The following KCNQ1 variants were observed in gnomAD, a reference collection of about 807,000 sequenced individuals.
The protein encoded by KCNQ1 is potassium voltage-gated channel subfamily KQT member 1.
A neutral mutation model predicts 72.4 loss-of-function variants in KCNQ1; 49 were observed. That is an observed-to-expected ratio of 0.68 (90% CI 0.54 to 0.86). The LOEUF (loss-of-function observed/expected upper bound fraction) is 0.86, where lower values mean the gene tolerates loss of function less well. Among genes scored for constraint, KCNQ1 ranks in the 40% least tolerant of loss-of-function variants. KCNQ1 has a pLI of 0.00. For missense variants in KCNQ1, 790 were observed against 945.1 expected, an observed-to-expected ratio of 0.84 and a Z score of 2.15; for synonymous variants, 450 against 412.6, an observed-to-expected ratio of 1.09 and a Z score of -1.10.
intron 2 of KCNQ1, among the ~76,000 whole-genome samples, chr11:2,551,982 G>C (rs1410313155): frequency 6.6e-6 from 1 of 152,166 alleles, no homozygotes; most frequent in Non-Finnish European, 1.5e-5. Flanking sequence ...CTATGTTCTG[G>C]ATATGAGTCC....
At position 2,658,169 on chromosome 11, in the gene KCNQ1, GA is replaced by G. The variant is rs2133851360; in HGVS notation, c.1394-3789del. 1 of 398,594 alleles carries G rather than the reference GA, an allele frequency of 2.5e-6. No individual in the cohort carries two copies. Among genetic ancestry groups the G allele is most frequent in the Admixed American group, 4.4e-5 (1 of 22,742 alleles). 24.7% of individuals were successfully genotyped at this position (398,594 alleles called of 1,614,324 possible). ...AGCAATTAAAATACATTTCAAGGAA[GA>G]AACTGTGAAGTTTCTGAGTTTCACT... On this transcript the variant is annotated intron_variant, in intron 10 of 15. Coordinates refer to ENST00000155840, the MANE Select transcript of KCNQ1 (RefSeq NM_000218.3). This position sits in a 1 kb window ranked among gnomAD's most constrained non-coding sequence, Gnocchi z 4.9.
chr11:2,622,610 TACA>T (rs1175831612), intron 10 of KCNQ1: 6 of 398,510 alleles, frequency 1.5e-5, no homozygotes, highest in Admixed American at 1.3e-4. Context: ...ATTTTTTAAA[TACA>T]ACATTTCCTC....
At position 2,826,731 on chromosome 11, in the gene KCNQ1, GC is replaced by G. The variant is rs968594912; in HGVS notation, c.1795-21032del. Among the ~76,000 whole-genome samples, 12 of 152,224 alleles carry G rather than the reference GC, an allele frequency of 7.9e-5. No homozygotes were observed. The highest frequency in any genetic ancestry group is 1.5e-4 in the Non-Finnish European group (10 of 68,030). ...TCCCCTGGGCACCCCTCGTCTTGGGGCCCCTGCCCTGCCTCCACTCAGAATC... is the reference window on the plus strand; with the variant it reads ...TCCCCTGGGCACCCCTCGTCTTGGGGCCCTGCCCTGCCTCCACTCAGAATC... On this transcript the variant is annotated intron_variant, in intron 15 of 15. Coordinates refer to ENST00000155840, the MANE Select transcript of KCNQ1 (RefSeq NM_000218.3). This position sits in a 1 kb window ranked among gnomAD's most constrained non-coding sequence, Gnocchi z 4.2.
In KCNQ1 at chr11:2,541,704, G is replaced by GT. The variant is rs368310521; in HGVS notation, c.477+13701dup. On this transcript the variant is annotated intron_variant, in intron 2 of 15. Transcript: ENST00000155840. This position sits in a 1 kb window ranked among gnomAD's most constrained non-coding sequence, Gnocchi z 4.8. The stretch of plus-strand genomic sequence containing the variant: ...TTCATCTCAGGCTCAGGTGTTTTGA[G>GT]TTTTTTTTTTTTTTTAAATGAGGAC... 0.43 allele frequency among the ~76,000 whole-genome samples: 62,748 copies of GT among 145,054 alleles called. 14,721 individuals carry two copies. Among genetic ancestry groups the GT allele is most frequent in the African/African-American group, 0.63 (24,698 of 39,364 alleles).
At chr11:2,576,935 C>T (rs1848431637) in intron 6 of KCNQ1, among the ~76,000 whole-genome samples, 1 of 152,228 alleles carries the variant, frequency 6.6e-6, no homozygotes, top group Admixed American at 6.5e-5. Flanking sequence ...AGCTGCCCTA[C>T]TGAGTGGGCC....
At chr11:2,625,798 T>C (rs772967888) in intron 10 of KCNQ1, 8 of 398,136 alleles carry the variant, frequency 2.0e-5, no homozygotes, top group Non-Finnish European at 3.5e-5. Context: ...CTCAATCTCC[T>C]GACTTCATGA....
Position 2,658,601 on chromosome 11 carries a change from T to C in KCNQ1, c.1394-3360T>C, listed in dbSNP as rs1408184157. The C allele has an allele frequency of 5.0e-6, 2 of 398,330 alleles. No individual in the cohort carries two copies. The highest frequency in any genetic ancestry group is 1.3e-4 in the South Asian group (1 of 7,842). The allele number at this position is 398,330 out of a possible 1,614,324, so 24.7% of individuals were successfully genotyped here. A position where few individuals can be genotyped will look rare whatever the true frequency, so the allele number is the denominator to read the frequency against. On this transcript the variant is annotated intron_variant, in intron 10 of 15. Coordinates refer to ENST00000155840, the MANE Select transcript of KCNQ1 (RefSeq NM_000218.3). This position sits in a 1 kb window ranked among gnomAD's most constrained non-coding sequence, Gnocchi z 4.9. ...GAGCCCTGGCTCCCTGGAGAATGAA[T>C]AGAAAACCTGGATCTAGGCACGGGG...
In KCNQ1 at chr11:2,712,888, A is replaced by T. The variant is rs969292530; in HGVS notation, c.1514+50807A>T. On this transcript the variant is annotated intron_variant, in intron 11 of 15. Transcript: ENST00000155840. The surrounding 1 kb of genome is among the most constrained non-coding windows in gnomAD (Gnocchi z 6.4). ...GCAGCATGGGAAATGGAAGGACTGC[A>T]GCCCCCGCCTCCCTCCAAGGCAGTT... Among the ~76,000 whole-genome samples the T allele has an allele frequency of 6.6e-6, 1 of 152,090 alleles. No homozygotes were observed. Among genetic ancestry groups the T allele is most frequent in the Non-Finnish European group, 1.5e-5 (1 of 68,006 alleles).
At position 2,493,694 on chromosome 11, in the gene KCNQ1, T is replaced by C. The variant is rs1846869292; in HGVS notation, c.387-34234T>C. Among the ~76,000 whole-genome samples the C allele has an allele frequency of 6.6e-6, 1 of 152,196 alleles. No homozygotes were observed. The highest frequency in any genetic ancestry group is 6.5e-5 in the Admixed American group (1 of 15,280). On this transcript the variant is annotated intron_variant, in intron 1 of 15. Transcript: ENST00000155840. This position sits in a 1 kb window ranked among gnomAD's most constrained non-coding sequence, Gnocchi z 5.3. ...GTTATTTCTGAGGTCTCTGTTCTGT[T>C]CCATTGGTTTATATATCTGTCTTCA...
Position 2,599,911 on chromosome 11 carries a change from A to G in KCNQ1, c.1393+11057A>G, listed in dbSNP as rs148578920. On this transcript the variant is annotated intron_variant, in intron 10 of 15. Transcript: ENST00000155840. This position sits in a 1 kb window ranked among gnomAD's most constrained non-coding sequence, Gnocchi z 4.7. ...CGAGGTATTAAAGACCAGGGCTTCA[A>G]CTGCAAACCTTGTGGGACACAATTC... 1.3e-5 allele frequency among the ~76,000 whole-genome samples: 2 copies of G among 152,344 alleles called. No homozygotes were observed. Among genetic ancestry groups the G allele is most frequent in the Admixed American group, 6.5e-5 (1 of 15,306 alleles).
rs930499993 is a variant in KCNQ1, at chr11:2,509,824, C to A, written c.387-18104C>A. On this transcript the variant is annotated intron_variant, in intron 1 of 15. Transcript: ENST00000155840. This position sits in a 1 kb window ranked among gnomAD's most constrained non-coding sequence, Gnocchi z 6.3. ...TGGACTGGGAGGTGTGGACAGGGAA[C>A]CCTGGCGGGGCCGGCCAATGGTGGC... Among the ~76,000 whole-genome samples, 3 of 152,130 alleles carry A rather than the reference C, an allele frequency of 2.0e-5. No homozygotes were observed. Among genetic ancestry groups the A allele is most frequent in the East Asian group, 1.9e-4 (1 of 5,194 alleles).
Position 2,713,544 on chromosome 11 carries a change from C to G in KCNQ1, c.1514+51463C>G, listed in dbSNP as rs1043760073. 3.3e-5 allele frequency among the ~76,000 whole-genome samples: 5 copies of G among 152,144 alleles called. No individual in the cohort carries two copies. Among genetic ancestry groups the G allele is most frequent in the African/African-American group, 1.2e-4 (5 of 41,434 alleles). Reference sequence around the variant, plus strand: ...ATTTTTCCCACTGTGGGAAGGGGGTCTGGAGGACAGGCACCCTTGTTGGCC... The same window carrying G: ...ATTTTTCCCACTGTGGGAAGGGGGTGTGGAGGACAGGCACCCTTGTTGGCC... On this transcript the variant is annotated intron_variant, in intron 11 of 15. Transcript: ENST00000155840. The surrounding 1 kb of genome is among the most constrained non-coding windows in gnomAD (Gnocchi z 5.6).
At chr11:2,499,977 GACCAGT>G (rs1846983952) in intron 1 of KCNQ1, among the ~76,000 whole-genome samples, 3 of 152,144 alleles carry the variant, frequency 2.0e-5, no homozygotes, top group Admixed American at 2.0e-4. Flanking sequence ...CATCTTCTCT[GACCAGT>G]ACAGAATAAA....
chr11:2,799,554 G>C (rs553286167), intron 15 of KCNQ1, among the ~76,000 whole-genome samples: 1 of 151,722 alleles, frequency 6.6e-6, no homozygotes, highest in Non-Finnish European at 1.5e-5. Flanking sequence ...TGCATGTATC[G>C]TGTGTGTGGT....
At chr11:2,523,522 G>A (rs935949249) in intron 1 of KCNQ1, among the ~76,000 whole-genome samples, 2 of 152,156 alleles carry the variant, frequency 1.3e-5, no homozygotes, top group African/African-American at 2.4e-5. Context: ...TCTATGCTGT[G>A]GCCGAGGTCA....
At chr11:2,576,203 T>C (rs931382203) in intron 6 of KCNQ1, among the ~76,000 whole-genome samples, 1 of 152,200 alleles carries the variant, frequency 6.6e-6, no homozygotes, top group East Asian at 1.9e-4. Context: ...GTGGACTTCC[T>C]GGGAAGGTCC....
chr11:2,843,188 T>G (rs1387139540), intron 15 of KCNQ1, among the ~76,000 whole-genome samples: 1 of 152,174 alleles, frequency 6.6e-6, no homozygotes, highest in Non-Finnish European at 1.5e-5. Flanking sequence ...GTCCAAGAAC[T>G]GAAGCACTAA....
intron 1 of KCNQ1, among the ~76,000 whole-genome samples, chr11:2,511,626 C>A (rs535730756): frequency 1.3e-5 from 2 of 152,312 alleles, no homozygotes; most frequent in East Asian, 3.9e-4. Flanking sequence ...GATACCGAGA[C>A]AGAAATAAAA....
At chr11:2,453,597 G>A (rs924932810) in intron 1 of KCNQ1, among the ~76,000 whole-genome samples, 5 of 152,224 alleles carry the variant, frequency 3.3e-5, no homozygotes, top group South Asian at 2.1e-4. Context: ...GAGGGGTGTC[G>A]AGGAAAATGT....
Sources: gnomAD v4.1 joint callset for allele counts (sites outside exome capture counted in the v4.1 genomes callset) on GRCh38, gnomAD v4.1.1 for gene constraint, Gnocchi (gnomAD v3.1) non-coding constraint, MANE v1.5 for transcripts, NCBI Gene and HGNC (gene_info 2026-07-23, HGNC 2026-07-21) for gene names.